MACROD1: variants seen among roughly 807,000 people sequenced by gnomAD.
The protein encoded by MACROD1 is mono-ADP ribosylhydrolase 1, also known as ADP-ribose glycohydrolase MACROD1.
MACROD1 carries 31 observed loss-of-function variants against 41.4 expected under a neutral mutation model. The ratio of observed to expected loss-of-function variants is 0.75; its 90% confidence interval spans 0.56 to 1.01. MACROD1 has a LOEUF of 1.01. Ranked by LOEUF, MACROD1 falls within the 50% of genes least tolerant of loss-of-function variation. The pLI is 0.00. For synonymous variants in MACROD1, 252 were observed against 203.4 expected, an observed-to-expected ratio of 1.24 and a Z score of -2.03; for missense variants, 473 against 460.0, an observed-to-expected ratio of 1.03 and a Z score of -0.26.
intron 3 of MACROD1, among the ~76,000 whole-genome samples, chr11:64,093,284 C>A (rs958256768): frequency 1.3e-5 from 2 of 152,248 alleles, no homozygotes; most frequent in Non-Finnish European, 2.9e-5. Flanking sequence ...CCTGGGCCAT[C>A]TAGAACTCGA....
At chr11:64,034,836 G>A (rs1311104271) in intron 3 of MACROD1, among the ~76,000 whole-genome samples, 1 of 152,248 alleles carries the variant, frequency 6.6e-6, no homozygotes, top group Non-Finnish European at 1.5e-5. Context: ...GGGACTCAGA[G>A]CAGCCACTGA....
chr11:64,151,227 C>T lies in MACROD1; in HGVS notation c.517+12G>A, dbSNP rs745776957. 11 of 1,609,188 alleles carry T rather than the reference C, an allele frequency of 6.8e-6. No homozygotes were observed. The Admixed American group carries it at 1.8e-4, about 27-fold the overall frequency. ...GCGGCCACCAGGTCTCTGGTTCAGG[C>T]CAGCCACTCACCGGCGTTGACGATG... is the stretch of plus-strand genomic sequence containing the variant. On this transcript the variant is annotated intron_variant, in intron 3 of 10. Transcript: ENST00000255681.
chr11:64,105,623 G>A (rs61884732), intron 3 of MACROD1, among the ~76,000 whole-genome samples: 1 of 152,122 alleles, frequency 6.6e-6, no homozygotes, highest in Non-Finnish European at 1.5e-5. Context: ...GACCCCACAG[G>A]CATGAGTGAC....
chr11:64,117,915 A>G (rs1945021577), intron 3 of MACROD1: 1 of 1,613,786 alleles, frequency 6.2e-7, no homozygotes, highest in Admixed American at 1.7e-5. Flanking sequence ...CCCCATGGCG[A>G]GCCTGCCCCT....
intron 3 of MACROD1, among the ~76,000 whole-genome samples, chr11:64,041,199 T>TAA (rs71045724): frequency 0.031 from 667 of 21,598 alleles, 195 homozygotes; most frequent in Non-Finnish European, 0.042. Context: ...TAGCAAACTG[T>TAA]AAAAAAAAAA....
At chr11:64,139,479 C>T (rs553719994) in intron 3 of MACROD1, among the ~76,000 whole-genome samples, 3 of 152,174 alleles carry the variant, frequency 2.0e-5, no homozygotes, top group African/African-American at 4.8e-5. Context: ...TGTCCAGGGA[C>T]GGAGACCCAG....
At chr11:64,047,254 C>T (rs971893434) in intron 3 of MACROD1, among the ~76,000 whole-genome samples, 5 of 152,174 alleles carry the variant, frequency 3.3e-5, no homozygotes, top group African/African-American at 1.2e-4. Context: ...TCAACTCCTC[C>T]CAGCAAGCCT....
At chr11:64,050,405 C>G (rs1485213016) in intron 3 of MACROD1, among the ~76,000 whole-genome samples, 1 of 152,226 alleles carries the variant, frequency 6.6e-6, no homozygotes, top group Non-Finnish European at 1.5e-5. Flanking sequence ...GGGGCCAGGC[C>G]CTTGGCCAGC....
At chr11:64,048,947 G>GAGAGCCTGTC (rs1430050750) in intron 3 of MACROD1, among the ~76,000 whole-genome samples, 3 of 152,228 alleles carry the variant, frequency 2.0e-5, no homozygotes, top group Admixed American at 2.0e-4. Flanking sequence ...TGGTGTGAGG[G>GAGAGCCTGTC]AGAGCCTGTC....
intron 3 of MACROD1, among the ~76,000 whole-genome samples, chr11:64,055,238 C>G (rs1043613217): frequency 6.6e-6 from 1 of 152,224 alleles, no homozygotes; most frequent in Admixed American, 6.5e-5. Context: ...GAGGGGCAGC[C>G]AGTAGCTTTG....
rs1944025308 is a variant in MACROD1, at chr11:64,067,453, C to T, written c.518-52172G>A. Among the ~76,000 whole-genome samples, 1 of 152,190 alleles carries T rather than the reference C, an allele frequency of 6.6e-6. No individual in the cohort carries two copies. The highest frequency in any genetic ancestry group is 1.5e-5 in the Non-Finnish European group (1 of 68,036). ...CCCCCGGCCCAGGTGACAGCCAGCA[C>T]AGACGCCCAGCTCAGATAACAGAAG... On this transcript the variant is annotated intron_variant, in intron 3 of 10. Transcript: ENST00000255681. The surrounding 1 kb of genome is among the most constrained non-coding windows in gnomAD (Gnocchi z 4.6).
At chr11:64,157,221 T>C (rs1390886200) in intron 1 of MACROD1, among the ~76,000 whole-genome samples, 2 of 152,068 alleles carry the variant, frequency 1.3e-5, no homozygotes, top group South Asian at 2.1e-4. Context: ...GCCTCCTGAG[T>C]AGCTGGGATT....
intron 3 of MACROD1, among the ~76,000 whole-genome samples, chr11:64,023,052 G>A (rs1028907431): frequency 6.6e-6 from 1 of 151,820 alleles, no homozygotes; most frequent in Non-Finnish European, 1.5e-5. Flanking sequence ...AGTACAATTG[G>A]GGTTTCACCA....
chr11:64,112,428 C>A (rs1338910288), intron 3 of MACROD1, among the ~76,000 whole-genome samples: 1 of 152,158 alleles, frequency 6.6e-6, no homozygotes, highest in East Asian at 1.9e-4. Context: ...GCAGGAGGAT[C>A]TCTTGAACCT....
chr11:64,159,579 G>C (rs1251533679), intron 1 of MACROD1, among the ~76,000 whole-genome samples: 3 of 152,066 alleles, frequency 2.0e-5, no homozygotes, highest in African/African-American at 7.2e-5. Context: ...CGGATCACCT[G>C]AGGTCAGGAG....
intron 3 of MACROD1, among the ~76,000 whole-genome samples, chr11:64,049,682 C>T (rs111693261): frequency 8.7e-4 from 132 of 152,210 alleles, no homozygotes; most frequent in African/African-American, 2.9e-3. Context: ...ACAGACAGCT[C>T]AGTGATCTGC....
chr11:64,030,012 T>C (rs776586979), intron 3 of MACROD1, among the ~76,000 whole-genome samples: 26 of 152,124 alleles, frequency 1.7e-4, no homozygotes, highest in Non-Finnish European at 8.8e-5. Context: ...GCCTCAGTCC[T>C]GCTGGGGCTG....
intron 3 of MACROD1, among the ~76,000 whole-genome samples, chr11:64,021,901 C>T (rs1390288847): frequency 7.5e-6 from 1 of 133,896 alleles, no homozygotes; most frequent in African/African-American, 2.8e-5. Flanking sequence ...TGCCAGAGGC[C>T]GAGAAGGAAA....
Position 64,165,902 on chromosome 11 carries a change from C to G in MACROD1, c.93G>C (p.Leu31Phe). 3 of 1,376,080 alleles carry G rather than the reference C, an allele frequency of 2.2e-6. No homozygotes were observed. Among genetic ancestry groups the G allele is most frequent in the Non-Finnish European group, 2.8e-6 (3 of 1,070,352 alleles). The allele number at this position is 1,376,080 out of a possible 1,614,324, so 85.2% of individuals were successfully genotyped here. ...LVPPRPRPGHLAGATRTRSST... is the reference protein window; with the variant it reads ...LVPPRPRPGHFAGATRTRSST... ...TGCTGCGGGTCCTCGTGGCACCCGC[C>G]AAGTGTCCGGGCCGGGGGCGCGGGG... The change falls in exon 1 of 11, where the codon TTG (leucine) becomes TTC (phenylalanine). Residue 31 changes from leucine to phenylalanine, a missense_variant. Transcript: ENST00000255681.
Sources: allele counts gnomAD v4.1 joint callset (sites outside exome capture counted in the v4.1 genomes callset), GRCh38; gene constraint gnomAD v4.1.1; non-coding constraint Gnocchi (gnomAD v3.1); transcripts MANE v1.5; gene names NCBI Gene and HGNC (gene_info 2026-07-23, HGNC 2026-07-21).